PTPRD: variants seen among roughly 807,000 people sequenced by gnomAD.
PTPRD encodes the protein protein tyrosine phosphatase receptor type D, also known as receptor-type tyrosine-protein phosphatase delta.
PTPRD carries 34 observed loss-of-function variants against 214.5 expected under a neutral mutation model. The ratio of observed to expected loss-of-function variants is 0.16; its 90% CI spans 0.12 to 0.21. The LOEUF (loss-of-function observed/expected upper bound fraction) is 0.21, where lower values mean the gene tolerates loss of function less well. Ranked by LOEUF, PTPRD falls within the 10% of genes least tolerant of loss-of-function variation. The probability of loss-of-function intolerance (pLI) is 1.00; values close to 1 mark genes in which losing one functional copy is unlikely to be tolerated. For synonymous variants in PTPRD, 1,128 were observed against 845.7 expected (o/e 1.33, Z -5.79); for missense variants, 2,545 against 2,398.7 (o/e 1.06, Z -1.27).
chr9:8,334,709 C>G (rs142568964), intron 43 of PTPRD, among the ~76,000 whole-genome samples: 28,553 of 65,344 alleles, frequency 0.44, 9,356 homozygotes, highest in Middle Eastern at 0.58. Context: ...AGGAGATAGA[C>G]ACACGAAAAA....
At chr9:9,904,731 C>T (rs772916485) in intron 5 of PTPRD, among the ~76,000 whole-genome samples, 2 of 151,974 alleles carry the variant, frequency 1.3e-5, no homozygotes, top group African/African-American at 4.8e-5. Flanking sequence ...AAAGCTTAAA[C>T]ATCTTTTTAA....
chr9:10,086,410 T>C lies in PTPRD; in HGVS notation c.-544-52620A>G, dbSNP rs529424832. Among the ~76,000 whole-genome samples the C allele has an allele frequency of 2.0e-5, 3 of 151,864 alleles. 1 individual carries two copies. The South Asian group carries it at 6.2e-4, about 32-fold the overall frequency. ...ATTGCTACTGAAGGAAAATTTCCCATAATATGGAGCTCAGTCCCTTAAGTC... is the reference window on the plus strand; with the variant it reads ...ATTGCTACTGAAGGAAAATTTCCCACAATATGGAGCTCAGTCCCTTAAGTC... On this transcript the variant is annotated intron_variant, in intron 3 of 45. Coordinates refer to ENST00000381196, the MANE Select transcript of PTPRD (RefSeq NM_002839.4).
intron 10 of PTPRD, among the ~76,000 whole-genome samples, chr9:9,114,686 T>G (rs954911190): frequency 2.0e-5 from 3 of 152,030 alleles, no homozygotes; most frequent in Admixed American, 6.6e-5. Context: ...TGAACAAAAA[T>G]TTTACAAGCT....
intron 2 of PTPRD, among the ~76,000 whole-genome samples, chr9:10,510,198 T>G (rs1401340155): frequency 6.6e-6 from 1 of 152,128 alleles, no homozygotes; most frequent in Non-Finnish European, 1.5e-5. Flanking sequence ...GTTTCATTCC[T>G]TTCTTTCCCA....
chr9:8,577,667 C>G (rs1009809166), intron 14 of PTPRD, among the ~76,000 whole-genome samples: 1 of 152,158 alleles, frequency 6.6e-6, no homozygotes, highest in African/African-American at 2.4e-5. Context: ...CTGAGCATTG[C>G]CTGTCTCTAT....
chr9:8,964,975 T>C (rs1421141398), intron 11 of PTPRD, among the ~76,000 whole-genome samples: 1 of 152,140 alleles, frequency 6.6e-6, no homozygotes, highest in South Asian at 2.1e-4. Flanking sequence ...AAGCATGTGG[T>C]TGATCTTGGG....
At chr9:8,388,116 T>C (rs529300643) in intron 37 of PTPRD, among the ~76,000 whole-genome samples, 2 of 152,320 alleles carry the variant, frequency 1.3e-5, no homozygotes, top group South Asian at 4.1e-4. Context: ...CTGCTTTTGA[T>C]TTCCCACCTT....
Position 8,376,664 on chromosome 9 carries a change from C to G in PTPRD, c.4449G>C (p.Thr1483=). 1 of 1,613,076 alleles carries G rather than the reference C, an allele frequency of 6.2e-7. No individual in the cohort carries two copies. The highest frequency in any genetic ancestry group is 8.5e-7 in the Non-Finnish European group (1 of 1,179,354). The change falls in exon 38 of 46, where the codon ACG becomes ACC. Residue 1483 remains threonine (T), a synonymous_variant. Transcript: ENST00000381196. ...TGGCCAGCTCCACAGTATCAAGCAG[C>G]GTTACTTGAACGAGTCCGTGGGTTT... The part of the protein sequence containing the change: ...GTETHGLVQV[T]LLDTVELATY...
At chr9:8,980,901 T>A (rs1311708699) in intron 11 of PTPRD, among the ~76,000 whole-genome samples, 2 of 152,098 alleles carry the variant, frequency 1.3e-5, no homozygotes, top group Non-Finnish European at 2.9e-5. Context: ...ATGCATTTTT[T>A]CAGGCCAAAA....
intron 2 of PTPRD, among the ~76,000 whole-genome samples, chr9:10,473,522 G>C (rs930785601): frequency 1.3e-5 from 2 of 152,090 alleles, no homozygotes; most frequent in Non-Finnish European, 2.9e-5. Context: ...GCGTGAGTGT[G>C]AGTGTGTATG....
intron 12 of PTPRD, among the ~76,000 whole-genome samples, chr9:8,659,334 G>T (rs1292468940): frequency 6.6e-6 from 1 of 152,154 alleles, no homozygotes; most frequent in Non-Finnish European, 1.5e-5. Flanking sequence ...AAATGTTCCA[G>T]CTGAAAACTG....
intron 7 of PTPRD, among the ~76,000 whole-genome samples, chr9:9,664,088 TAAAA>T (rs71319290): frequency 8.7e-6 from 1 of 114,530 alleles, no homozygotes; most frequent in Admixed American, 8.8e-5. Flanking sequence ...CACTCCTGTG[TAAAA>T]AAAAAAAAAA....
intron 11 of PTPRD, among the ~76,000 whole-genome samples, chr9:8,800,933 G>T (rs2096559056): frequency 6.6e-6 from 1 of 152,270 alleles, no homozygotes; most frequent in African/African-American, 2.4e-5. Flanking sequence ...TGTAGGAGCT[G>T]GGAAACCTAG....
intron 3 of PTPRD, among the ~76,000 whole-genome samples, chr9:10,150,945 A>T (rs968787850): frequency 4.6e-5 from 7 of 152,018 alleles, no homozygotes; most frequent in African/African-American, 1.4e-4. Flanking sequence ...TTACTTTAAA[A>T]GCTTAGCCTT....
intron 2 of PTPRD, among the ~76,000 whole-genome samples, chr9:10,552,382 T>A (rs2131154746): frequency 6.6e-6 from 1 of 152,282 alleles, no homozygotes; most frequent in East Asian, 1.9e-4. Flanking sequence ...AATTTTGCAA[T>A]CACAGAGAAT....
chr9:8,996,497 T>C (rs562219450), intron 11 of PTPRD, among the ~76,000 whole-genome samples: 1 of 152,066 alleles, frequency 6.6e-6, no homozygotes, highest in Non-Finnish European at 1.5e-5. Flanking sequence ...CAAAGAGGAA[T>C]GAAGGGATCT....
At chr9:9,284,045 G>A (rs1354421712) in intron 9 of PTPRD, among the ~76,000 whole-genome samples, 1 of 151,612 alleles carries the variant, frequency 6.6e-6, no homozygotes, top group Non-Finnish European at 1.5e-5. Context: ...GTATTTTAAA[G>A]TCAATACAAT....
chr9:9,501,392 A>G (rs758330106), intron 8 of PTPRD, among the ~76,000 whole-genome samples: 2 of 151,968 alleles, frequency 1.3e-5, no homozygotes, highest in Admixed American at 6.6e-5. Context: ...AATATTTATT[A>G]ATTATAAACA....
chr9:8,833,076 A>G (rs2097332148), intron 11 of PTPRD, among the ~76,000 whole-genome samples: 1 of 152,164 alleles, frequency 6.6e-6, no homozygotes, highest in Non-Finnish European at 1.5e-5. Context: ...AATCTTAATA[A>G]CAGCATTGGC....
Sources: allele counts gnomAD v4.1 joint callset (sites outside exome capture counted in the v4.1 genomes callset), GRCh38; gene constraint gnomAD v4.1.1; transcripts MANE v1.5; gene names NCBI Gene and HGNC (gene_info 2026-07-23, HGNC 2026-07-21).